RAB33A: variants seen among roughly 807,000 people sequenced by gnomAD.
The protein encoded by RAB33A is RAB33A, member RAS oncogene family.
Under a neutral mutation model 12.0 loss-of-function variants are expected in RAB33A, and 6 were observed. The observed-to-expected ratio is 0.50, with a 90% CI of 0.27 to 0.99. RAB33A has a LOEUF of 0.99. Among genes scored for constraint, RAB33A ranks in the 50% least tolerant of loss-of-function variants. The pLI is 0.11. For missense variants in RAB33A, 109 were observed against 192.0 expected, an observed-to-expected ratio of 0.57 and a Z score of 2.55; for synonymous variants, 70 against 82.4, an observed-to-expected ratio of 0.85 and a Z score of 0.81.
At chrX:130,165,974 C>G in the RAB33A span, 1 of 335,832 alleles carries the variant, frequency 3.0e-6, no homozygotes. Context: ...AGCCGGTTTT[C>G]GCGAGTTTGT....
the RAB33A span, chrX:130,135,961 G>A: frequency 1.7e-6 from 2 of 1,157,590 alleles, no homozygotes; most frequent in Non-Finnish European, 2.4e-6. Context: ...TTAGGCTGTT[G>A]ATGAGCTTTA....
the RAB33A span, chrX:130,137,654 G>A: frequency 9.0e-7 from 1 of 1,108,376 alleles, no homozygotes; most frequent in Non-Finnish European, 1.2e-6. Flanking sequence ...GCAGTTCAAA[G>A]ACACCCATAA....
the RAB33A span, among the ~76,000 whole-genome samples, chrX:130,121,520 G>T: frequency 8.9e-6 from 1 of 111,867 alleles, no homozygotes; most frequent in Non-Finnish European, 1.9e-5. Flanking sequence ...CAAAGTGCTG[G>T]AATCCTTTCT....
chrX:130,140,945 G>A, the RAB33A span, among the ~76,000 whole-genome samples: 9 of 111,944 alleles, frequency 8.0e-5, no homozygotes, highest in South Asian at 3.7e-4. Flanking sequence ...GCGAAACCCC[G>A]TCTCTACTAA....
the RAB33A span, among the ~76,000 whole-genome samples, chrX:130,136,438 G>A: frequency 8.9e-6 from 1 of 112,223 alleles, no homozygotes; most frequent in African/African-American, 3.2e-5. Context: ...GATAGAATGG[G>A]GCTAAGGGAA....
the RAB33A span, among the ~76,000 whole-genome samples, chrX:130,151,463 T>C: frequency 9.0e-6 from 1 of 111,500 alleles, no homozygotes; most frequent in Non-Finnish European, 1.9e-5. Context: ...CTAAGAATAC[T>C]TCTATGACTT....
chrX:130,117,486 G>A, the RAB33A span, among the ~76,000 whole-genome samples: 2 of 111,746 alleles, frequency 1.8e-5, no homozygotes, highest in Admixed American at 9.5e-5. Flanking sequence ...AACAGATTCC[G>A]TGTTCTTCAG....
chrX:130,148,893 T>G, the RAB33A span, among the ~76,000 whole-genome samples: 2 of 104,172 alleles, frequency 1.9e-5, no homozygotes, highest in African/African-American at 7.1e-5. Context: ...TTCCAATAGT[T>G]TTCCTTGCTA....
At chrX:130,114,030 C>T in the RAB33A span, among the ~76,000 whole-genome samples, 1 of 112,226 alleles carries the variant, frequency 8.9e-6, no homozygotes, top group African/African-American at 3.2e-5. Flanking sequence ...CAACCCAGCT[C>T]TCAGGAGAAA....
the RAB33A span, among the ~76,000 whole-genome samples, chrX:130,124,140 C>T: frequency 9.0e-6 from 1 of 111,304 alleles, no homozygotes; most frequent in Admixed American, 9.6e-5. Context: ...AAGTTCCAAT[C>T]GGAACTCACT....
the RAB33A span, among the ~76,000 whole-genome samples, chrX:130,151,010 A>G: frequency 1.9e-5 from 2 of 107,012 alleles, no homozygotes; most frequent in African/African-American, 6.8e-5. Context: ...AGAAAAACCT[A>G]CAATGCTTTT....
chrX:130,136,381 G>A, the RAB33A span, among the ~76,000 whole-genome samples: 2 of 112,132 alleles, frequency 1.8e-5, no homozygotes, highest in Admixed American at 9.4e-5. Context: ...CATGTCATTC[G>A]AACAGAAATC....
chrX:130,156,326 A>C, the RAB33A span: 1 of 816,308 alleles, frequency 1.2e-6, no homozygotes, highest in South Asian at 2.2e-5. Flanking sequence ...GCAGGCACTT[A>C]AGAGAAGGCT....
chrX:130,165,693 T>C, the RAB33A span: 1 of 1,105,784 alleles, frequency 9.0e-7, no homozygotes, highest in Non-Finnish European at 1.2e-6. Context: ...TCCTTCCCTT[T>C]CCTCTCACGC....
the RAB33A span, chrX:130,147,674 C>A: frequency 1.4e-5 from 17 of 1,211,571 alleles, no homozygotes; most frequent in Admixed American, 4.3e-5. Flanking sequence ...ATTTAAGGGG[C>A]AAATGTCAAA....
At chrX:130,138,448 G>C in the RAB33A span, 2 of 484,250 alleles carry the variant, frequency 4.1e-6, no homozygotes, top group African/African-American at 2.4e-5. Context: ...CTGGGTGACA[G>C]AGCGAGACTC....
At chrX:130,123,700 C>CAAA in the RAB33A span, among the ~76,000 whole-genome samples, 11 of 39,857 alleles carry the variant, frequency 2.8e-4, no homozygotes, top group South Asian at 4.1e-3. Flanking sequence ...GACTCTGTCT[C>CAAA]AAAAAAAAAA....
chrX:130,153,209 G>A, the RAB33A span, among the ~76,000 whole-genome samples: 2 of 104,888 alleles, frequency 1.9e-5, no homozygotes, highest in Non-Finnish European at 3.9e-5. Flanking sequence ...AATTAGCCGG[G>A]CATGGTGGCA....
chrX:130,174,055 A>G (rs1252607070), intron 1 of RAB33A, among the ~76,000 whole-genome samples: 1 of 112,165 alleles, frequency 8.9e-6, no homozygotes, highest in East Asian at 2.8e-4. Flanking sequence ...GAGGGATGAC[A>G]GATGAACACG....
Sources: gnomAD v4.1 joint callset for allele counts (sites outside exome capture counted in the v4.1 genomes callset) on GRCh38, gnomAD v4.1.1 for gene constraint, MANE v1.5 for transcripts, NCBI Gene and HGNC (gene_info 2026-07-23, HGNC 2026-07-21) for gene names.